Variants in TENM2 observed in about 807,000 individuals in gnomAD.
The protein encoded by TENM2 is teneurin transmembrane protein 2.
Under a neutral mutation model 245.2 loss-of-function variants are expected in TENM2, and 52 were observed. The observed-to-expected ratio is 0.21, with a 90% CI of 0.17 to 0.27. The LOEUF (loss-of-function observed/expected upper bound fraction) is 0.27. Ranked by LOEUF, TENM2 falls within the 10% of genes least tolerant of loss-of-function variation. TENM2 has a pLI of 1.00. For missense variants in TENM2, 3,046 were observed against 3,666.8 expected, an observed-to-expected ratio of 0.83 and a Z score of 4.37; for synonymous variants, 1,363 against 1,438.9, an observed-to-expected ratio of 0.95 and a Z score of 1.19.
intron 5 of TENM2, among the ~76,000 whole-genome samples, chr5:168,021,006 A>G (rs1031111269): frequency 1.3e-5 from 2 of 152,248 alleles, no homozygotes; most frequent in Non-Finnish European, 2.9e-5. Flanking sequence ...TTGTCTCACA[A>G]GCATATTTTT....
At chr5:167,441,299 A>G (rs944776550) in intron 2 of TENM2, among the ~76,000 whole-genome samples, 1 of 152,218 alleles carries the variant, frequency 6.6e-6, no homozygotes, top group East Asian at 1.9e-4. Context: ...AGGCAAAGTG[A>G]TATTCCAAGG....
intron 2 of TENM2, among the ~76,000 whole-genome samples, chr5:167,590,195 G>A (rs1775783475): frequency 6.6e-6 from 1 of 151,684 alleles, no homozygotes; most frequent in Non-Finnish European, 1.5e-5. Context: ...TTTCCAAATA[G>A]TGTTTTTTGT....
At chr5:167,155,111 A>G in the TENM2 span, among the ~76,000 whole-genome samples, 1 of 152,244 alleles carries the variant, frequency 6.6e-6, no homozygotes, top group South Asian at 2.1e-4. Context: ...TTGTGTATCC[A>G]ACATTACATT....
At chr5:166,994,502 T>C in the TENM2 span, among the ~76,000 whole-genome samples, 1 of 152,194 alleles carries the variant, frequency 6.6e-6, no homozygotes, top group Non-Finnish European at 1.5e-5. Flanking sequence ...AAGTTATGCA[T>C]TTGAGTGCCT....
the TENM2 span, among the ~76,000 whole-genome samples, chr5:167,158,846 CCCTTCCTTCCTTCCTTCCTT>C: frequency 2.4e-4 from 21 of 86,060 alleles, no homozygotes; most frequent in East Asian, 1.0e-3. Flanking sequence ...TCCATAGCAG[CCCTTCCTTCCTTCCTTCCTT>C]CCTTCCTTCC....
chr5:168,173,000 TC>T (rs1758987474), intron 13 of TENM2, among the ~76,000 whole-genome samples: 2 of 152,090 alleles, frequency 1.3e-5, no homozygotes, highest in African/African-American at 4.8e-5. Context: ...CTTCTCTTCC[TC>T]CCCACTCACA....
intron 1 of TENM2, among the ~76,000 whole-genome samples, chr5:167,321,045 A>C (rs1249742960): frequency 1.3e-5 from 2 of 152,168 alleles, no homozygotes; most frequent in Non-Finnish European, 2.9e-5. Context: ...TACTCTGTGC[A>C]TTTAGAGCCC....
intron 3 of TENM2, among the ~76,000 whole-genome samples, chr5:167,914,027 G>A (rs1046422170): frequency 6.6e-6 from 1 of 152,204 alleles, no homozygotes; most frequent in African/African-American, 2.4e-5. Flanking sequence ...TTTATTGTAT[G>A]TGTATAGAAG....
At chr5:167,838,894 A>C (rs1769238725) in intron 2 of TENM2, among the ~76,000 whole-genome samples, 1 of 152,180 alleles carries the variant, frequency 6.6e-6, no homozygotes, top group South Asian at 2.1e-4. Flanking sequence ...TTCTTTGGGG[A>C]AATTTATAAG....
At chr5:167,671,943 T>C (rs1401790926) in intron 2 of TENM2, among the ~76,000 whole-genome samples, 2 of 152,038 alleles carry the variant, frequency 1.3e-5, no homozygotes, top group Non-Finnish European at 2.9e-5. Context: ...TCATTCTATG[T>C]GCACTGTGCT....
chr5:168,218,519 T>C lies in TENM2; in HGVS notation c.4628T>C (p.Leu1543Ser). The change falls in exon 23 of 29, where the codon TTG (leucine) becomes TCG (serine). Residue 1543 changes from leucine (L) to serine (S), a missense_variant. Leu to Ser is a moderately radical substitution (Grantham distance 145). Transcript: ENST00000518659. The surrounding 1 kb of genome is among the most constrained non-coding windows in gnomAD (Gnocchi z 5.2). ...GATGCCTACGCGACTGATGCCATCTTGAATTCCCCATCATCCTTAGCTGTA... is the reference window on the plus strand; with the variant it reads ...GATGCCTACGCGACTGATGCCATCTCGAATTCCCCATCATCCTTAGCTGTA... 6.2e-7 allele frequency: 1 copy of C among 1,614,054 alleles called. No homozygotes were observed. Among genetic ancestry groups the C allele is most frequent in the East Asian group, 2.2e-5 (1 of 44,882 alleles).
chr5:167,014,765 G>A, the TENM2 span, among the ~76,000 whole-genome samples: 2 of 152,116 alleles, frequency 1.3e-5, no homozygotes, highest in African/African-American at 4.8e-5. Flanking sequence ...CAGATTCAAC[G>A]CTGCTTAGAG....
At chr5:167,456,323 A>ATGATC (rs1765920008) in intron 2 of TENM2, among the ~76,000 whole-genome samples, 1 of 152,194 alleles carries the variant, frequency 6.6e-6, no homozygotes, top group East Asian at 1.9e-4. Context: ...TAGGTAGTTA[A>ATGATC]TGATCTTTAT....
At chr5:167,516,518 C>T (rs77854624) in intron 2 of TENM2, among the ~76,000 whole-genome samples, 40 of 152,118 alleles carry the variant, frequency 2.6e-4, no homozygotes, top group African/African-American at 8.2e-4. Context: ...CTTAATGTGG[C>T]GATTAAGACA....
chr5:167,928,101 T>G (rs559547251), intron 3 of TENM2, among the ~76,000 whole-genome samples: 19 of 152,262 alleles, frequency 1.2e-4, no homozygotes, highest in African/African-American at 4.6e-4. Context: ...CTCCTACTCT[T>G]CCTCCTCTCC....
At chr5:168,220,129 G>A (rs1763547127) in intron 23 of TENM2, among the ~76,000 whole-genome samples, 1 of 152,204 alleles carries the variant, frequency 6.6e-6, no homozygotes, top group African/African-American at 2.4e-5. Context: ...ACCAGCCAGT[G>A]ATTCTGCCCT....
intron 2 of TENM2, among the ~76,000 whole-genome samples, chr5:167,388,451 G>T (rs1761571333): frequency 6.6e-6 from 1 of 151,970 alleles, no homozygotes; most frequent in African/African-American, 2.4e-5. Flanking sequence ...TCTCTGCAAA[G>T]AACCAGCTTT....
intron 2 of TENM2, among the ~76,000 whole-genome samples, chr5:167,827,786 A>G (rs913615653): frequency 3.3e-5 from 5 of 152,134 alleles, no homozygotes; most frequent in Non-Finnish European, 5.9e-5. Context: ...TAATTTTCCA[A>G]CCTCTGGACA....
chr5:168,003,354 G>A (rs555833847), intron 5 of TENM2, among the ~76,000 whole-genome samples: 34 of 147,932 alleles, frequency 2.3e-4, no homozygotes, highest in African/African-American at 8.1e-4. Flanking sequence ...CACCCCCAAA[G>A]CTGGCATAAC....
Sources: gnomAD v4.1 joint callset for allele counts (sites outside exome capture counted in the v4.1 genomes callset) on GRCh38, gnomAD v4.1.1 for gene constraint, Gnocchi (gnomAD v3.1) non-coding constraint, MANE v1.5 for transcripts, NCBI Gene and HGNC (gene_info 2026-07-23, HGNC 2026-07-21) for gene names.